The following SLC38A5 variants were observed in gnomAD, a reference collection of about 807,000 sequenced individuals.
SLC38A5 encodes sodium-coupled neutral amino acid transporter 5.
A neutral mutation model predicts 34.6 loss-of-function variants in SLC38A5; 9 were observed. The observed-to-expected ratio is 0.26, with a 90% CI of 0.16 to 0.45. The LOEUF (loss-of-function observed/expected upper bound fraction) is 0.45, where lower values mean the gene tolerates loss of function less well. Ranked by LOEUF, SLC38A5 falls within the 20% of genes least tolerant of loss-of-function variation. SLC38A5 has a pLI of 1.00. For synonymous variants in SLC38A5, 157 were observed against 155.6 expected (o/e 1.01, Z -0.07); for missense variants, 253 against 394.7 (o/e 0.64, Z 3.04).
Position 48,466,105 on chromosome X carries a change from G to T in SLC38A5, c.413-12C>A, listed in dbSNP as rs782709583. ...GTAACTGGACATGGCTGGTGCAGGT[G>T]GGGGAGGTGTAAGCAGAAGGATTCT... On this transcript the variant is annotated splice_polypyrimidine_tract_variant and intron_variant, in intron 7 of 16. Coordinates refer to ENST00000620913, the MANE Select transcript of SLC38A5 (RefSeq NM_033518.4). 5 of 1,191,263 alleles carry T rather than the reference G, an allele frequency of 4.2e-6. No homozygotes were observed. The South Asian group carries it at 9.4e-5, about 22-fold the overall frequency.
chrX:48,465,766 G>A (rs782398596), intron 8 of SLC38A5, among the ~76,000 whole-genome samples: 3 of 111,370 alleles, frequency 2.7e-5, no homozygotes, highest in Non-Finnish European at 5.7e-5. Context: ...AGAGTAAACC[G>A]GACATAAAGA....
rs782042473 is a variant in SLC38A5, at chrX:48,467,060, C to T, written c.147G>A (p.Ser49=). 5 of 1,209,727 alleles carry T rather than the reference C, an allele frequency of 4.1e-6. No individual in the cohort carries two copies. Among genetic ancestry groups the T allele is most frequent in the East Asian group, 5.9e-5 (2 of 33,769 alleles). ...TGAGGTTGAACACTGACATTCCAAA[C>T]GATGTCTTCCCCTCGAACTGCACGC... ...VQFMDFEGKT[S]FGMSVFNLSN... Residue 49 remains serine (S), a synonymous_variant, in exon 5 of 17, where the codon TCG becomes TCA. Transcript: ENST00000620913.
intron 4 of SLC38A5, 116 bp downstream of exon 4, chrX:48,467,594 G>C: frequency 1.4e-6 from 1 of 713,888 alleles, no homozygotes; most frequent in East Asian, 3.5e-5. Context: ...GCTGTGCTGG[G>C]GAGATAGCTG....
At chrX:48,461,689 C>T (rs782514354) in intron 12 of SLC38A5, 29 bp downstream of exon 12, 1 of 1,175,798 alleles carries the variant, frequency 8.5e-7, no homozygotes, top group Admixed American at 2.4e-5. Flanking sequence ...GCTGGCCCAT[C>T]ATTCAGGCCC....
Position 48,466,127 on chromosome X carries a change from T to C in SLC38A5, c.413-34A>G, listed in dbSNP as rs1602031527. 6.0e-6 allele frequency: 7 copies of C among 1,170,527 alleles called. No individual in the cohort carries two copies. In the East Asian group the frequency reaches 2.2e-4, roughly 36 times the overall value. ...GGTGGGGGAGGTGTAAGCAGAAGGA[T>C]TCTCTTCATGCCCCCACCCCGTCTT... On this transcript the variant is annotated intron_variant, in intron 7 of 16. Transcript: ENST00000620913.
chrX:48,462,792 C>T (rs2061443598), intron 9 of SLC38A5, 106 bp downstream of exon 9: 6 of 614,020 alleles, frequency 9.8e-6, no homozygotes, highest in Non-Finnish European at 1.5e-5. Flanking sequence ...ATCAAATAAG[C>T]TCTCTCCTAG....
At chrX:48,468,024 C>A (rs1556964021) in intron 2 of SLC38A5, 99 bp from the exon 3 acceptor site, 2 of 858,604 alleles carry the variant, frequency 2.3e-6, no homozygotes, top group Non-Finnish European at 3.3e-6. Flanking sequence ...CCATAGAGAC[C>A]GATGGAAAGA....
At chrX:48,463,859 G>GAAAGAA (rs1556962563) in intron 8 of SLC38A5, among the ~76,000 whole-genome samples, 1 of 58,471 alleles carries the variant, frequency 1.7e-5, no homozygotes, top group Non-Finnish European at 3.2e-5. Flanking sequence ...GAGAGAGAAA[G>GAAAGAA]AAAGAAAGAA....
chrX:48,469,017 A>G (rs904056298), intron 2 of SLC38A5: 4 of 749,806 alleles, frequency 5.3e-6, no homozygotes, highest in African/African-American at 4.7e-5. Context: ...TATCTCAGAA[A>G]CCCCCATTCA....
rs374662760 is a variant in SLC38A5 at position 48,463,536 on chromosome X, G to A, written c.492-556C>T. Among the ~76,000 whole-genome samples the A allele has an allele frequency of 1.4e-4, 15 of 110,195 alleles. No individual in the cohort carries two copies. The South Asian group carries it at 2.3e-3, about 17-fold the overall frequency. ...CAGGAGAATGGCATGAACCCGGGAG[G>A]TGGAGCTTGCAGTGAGCCGAGATCA... On this transcript the variant is annotated intron_variant, in intron 8 of 16. Coordinates refer to ENST00000620913, the MANE Select transcript of SLC38A5 (RefSeq NM_033518.4).
intron 1 of SLC38A5, 63 bp from the exon 2 acceptor site, chrX:48,469,499 T>G (rs1602038569): frequency 9.4e-6 from 1 of 106,744 alleles, no homozygotes; most frequent in African/African-American, 3.5e-5. Flanking sequence ...GGGGAAGAGG[T>G]GGAGAAGGGG....
chrX:48,467,947 G>A (rs782056244), intron 2 of SLC38A5, 22 bp from the exon 3 acceptor site: 13 of 1,190,027 alleles, frequency 1.1e-5, no homozygotes, highest in South Asian at 1.8e-5. Flanking sequence ...GAAATGGGGT[G>A]GGGGGATCAG....
At chrX:48,461,947 CAT>C in intron 11 of SLC38A5, 58 bp downstream of exon 11, 1 of 1,137,829 alleles carries the variant, frequency 8.8e-7, no homozygotes, top group Non-Finnish European at 1.2e-6. Flanking sequence ...CAGGATGCAC[CAT>C]ATGACAGAAC....
chrX:48,459,835 G>A lies in SLC38A5; in HGVS notation c.1110C>T (p.Ala370=). The A allele has an allele frequency of 8.3e-7, 1 of 1,211,144 alleles. No homozygotes were observed. Among genetic ancestry groups the A allele is most frequent in the South Asian group, 1.8e-5 (1 of 56,839 alleles). The change falls in exon 15 of 17, where the codon GCC becomes GCT. Residue 370 remains alanine, a synonymous_variant. Coordinates refer to ENST00000620913, the MANE Select transcript of SLC38A5 (RefSeq NM_033518.4). ...TGGCCACATGTCGTGGCCAGCTGAA[G>A]GCCTTGCCTGGGAAAAGCAGCTGCT... is the stretch of plus-strand genomic sequence containing the variant. ...ALQQLLFPGK[A]FSWPRHVAIA...
chrX:48,466,896 A>T, intron 5 of SLC38A5, 24 bp from the exon 6 acceptor site: 2 of 1,203,639 alleles, frequency 1.7e-6, no homozygotes, highest in Non-Finnish European at 2.2e-6. Flanking sequence ...CACAGCTCAG[A>T]CCTGGCCCCA....
intron 2 of SLC38A5, chrX:48,468,270 A>G (rs2061493698): frequency 1.1e-6 from 1 of 907,030 alleles, no homozygotes; most frequent in Non-Finnish European, 1.4e-6. Flanking sequence ...CCACGTGGAG[A>G]AGGGATAGCC....
chrX:48,460,009 C>T, intron 14 of SLC38A5, 133 bp from the exon 15 acceptor site: 1 of 843,543 alleles, frequency 1.2e-6, no homozygotes, highest in Non-Finnish European at 1.6e-6. Context: ...TATGGCTCCA[C>T]CCTGCCTAAC....
Position 48,467,947 on chromosome X carries a change from G to T in SLC38A5, c.-1-22C>A, listed in dbSNP as rs782056244. The T allele has an allele frequency of 3.4e-6, 4 of 1,193,044 alleles. No homozygotes were observed. In the South Asian group the frequency reaches 7.3e-5, roughly 22 times the overall value. On this transcript the variant is annotated intron_variant, in intron 2 of 16. Coordinates refer to ENST00000620913, the MANE Select transcript of SLC38A5 (RefSeq NM_033518.4). ...CATCCTGTGGGCAAAGAAATGGGGTGGGGGGATCAGAGATGGAACGAGCAT... is the reference window on the plus strand; with the variant it reads ...CATCCTGTGGGCAAAGAAATGGGGTTGGGGGATCAGAGATGGAACGAGCAT...
chrX:48,461,607 C>T (rs2061434763), intron 12 of SLC38A5, 111 bp downstream of exon 12: 1 of 839,538 alleles, frequency 1.2e-6, no homozygotes, highest in Non-Finnish European at 1.7e-6. Context: ...CATGACACAA[C>T]CTAGCTTCCA....
Sources: allele counts gnomAD v4.1 joint callset (sites outside exome capture counted in the v4.1 genomes callset), GRCh38; gene constraint gnomAD v4.1.1; transcripts MANE v1.5; gene names NCBI Gene and HGNC (gene_info 2026-07-23, HGNC 2026-07-21).